The following PCCB variants were observed in gnomAD, a reference collection of about 807,000 sequenced individuals.
PCCB encodes the protein propionyl-CoA carboxylase subunit beta, also known as propionyl-CoA carboxylase beta chain, mitochondrial.
Under a neutral mutation model 60.7 loss-of-function variants are expected in PCCB, and 43 were observed. The observed-to-expected ratio is 0.71, with a 90% CI of 0.55 to 0.91. The LOEUF is 0.91. PCCB is among the 40% of genes least tolerant of loss of function. PCCB has a pLI of 0.00. For synonymous variants in PCCB, 276 were observed against 255.9 expected, an observed-to-expected ratio of 1.08 and a Z score of -0.75; for missense variants, 766 against 702.8, an observed-to-expected ratio of 1.09 and a Z score of -1.02.
At chr3:136,260,778 A>G (rs1941800330) in intron 4 of PCCB, among the ~76,000 whole-genome samples, 1 of 152,232 alleles carries the variant, frequency 6.6e-6, no homozygotes, top group African/African-American at 2.4e-5. Context: ...ATTTTAAAGG[A>G]TTAAAAATGT....
chr3:136,258,802 G>C (rs1941745904), intron 3 of PCCB, among the ~76,000 whole-genome samples: 1 of 151,946 alleles, frequency 6.6e-6, no homozygotes, highest in Non-Finnish European at 1.5e-5. Context: ...GGGTCTGACT[G>C]CTTCTAACAG....
intron 10 of PCCB, among the ~76,000 whole-genome samples, chr3:136,320,111 A>G (rs1485032384): frequency 6.6e-6 from 1 of 152,154 alleles, no homozygotes; most frequent in Non-Finnish European, 1.5e-5. Context: ...AGCTTTGTAT[A>G]TGTTTTGAAA....
At chr3:136,298,160 T>G in intron 8 of PCCB, 88 bp downstream of exon 8, 1 of 1,558,724 alleles carries the variant, frequency 6.4e-7, no homozygotes, top group Non-Finnish European at 8.8e-7. Context: ...TCTGCCTTGT[T>G]GGGCAAGTTG....
rs373700681 is a variant in PCCB, at chr3:136,257,907, T to C, written c.372+1284T>C. On this transcript the variant is annotated intron_variant, in intron 3 of 14. Transcript: ENST00000251654. ...GAGTTTGCGCCACTGCACTCGAGCC[T>C]GGGTGGCAGAGTGAGACTCCATCTC... Among the ~76,000 whole-genome samples, 94 of 152,322 alleles carry C rather than the reference T, an allele frequency of 6.2e-4. 1 individual carries two copies. In the South Asian group the frequency reaches 0.013, roughly 20 times the overall value.
chr3:136,311,551 G>A (rs958011401), intron 9 of PCCB, among the ~76,000 whole-genome samples: 1 of 152,002 alleles, frequency 6.6e-6, no homozygotes, highest in African/African-American at 2.4e-5. Flanking sequence ...TGTTGCCCAG[G>A]CTGGTCTCGA....
chr3:136,292,530 C>T (rs990815238), intron 6 of PCCB, among the ~76,000 whole-genome samples: 3 of 152,146 alleles, frequency 2.0e-5, no homozygotes, highest in East Asian at 1.9e-4. Flanking sequence ...TTGGAAACAA[C>T]CTTCATGACC....
chr3:136,263,389 C>T (rs184967247), intron 5 of PCCB, among the ~76,000 whole-genome samples: 1 of 151,968 alleles, frequency 6.6e-6, no homozygotes, highest in Non-Finnish European at 1.5e-5. Flanking sequence ...CCTCAGTCTC[C>T]TGAATAGCTG....
chr3:136,278,598 A>G (rs1192344144), intron 5 of PCCB, among the ~76,000 whole-genome samples: 2 of 152,012 alleles, frequency 1.3e-5, no homozygotes, highest in Non-Finnish European at 2.9e-5. Context: ...CGTGTTTGTG[A>G]ATTTTTCAGT....
intron 6 of PCCB, among the ~76,000 whole-genome samples, chr3:136,288,096 G>A (rs140744471): frequency 6.6e-6 from 1 of 152,226 alleles, no homozygotes; most frequent in East Asian, 1.9e-4. Context: ...AATTTGCATT[G>A]ACTCAATTTG....
At chr3:136,288,512 A>G (rs1487804269) in intron 6 of PCCB, among the ~76,000 whole-genome samples, 4 of 145,930 alleles carry the variant, frequency 2.7e-5, no homozygotes, top group African/African-American at 5.0e-5. Context: ...TGCCTGCCTA[A>G]TTTTTTTTTT....
intron 1 of PCCB, among the ~76,000 whole-genome samples, chr3:136,254,369 C>T (rs1322184155): frequency 6.6e-6 from 1 of 151,652 alleles, no homozygotes; most frequent in East Asian, 1.9e-4. Context: ...CAGGTGGGTG[C>T]TACCAAGCCC....
At chr3:136,301,265 T>C (rs546178405) in intron 9 of PCCB, among the ~76,000 whole-genome samples, 154 bp downstream of exon 9, 2 of 152,036 alleles carry the variant, frequency 1.3e-5, no homozygotes, top group African/African-American at 4.8e-5. Flanking sequence ...GGCCACTGAG[T>C]AGTGTGTTCT....
At chr3:136,315,364 T>C (rs1934846358) in intron 9 of PCCB, among the ~76,000 whole-genome samples, 1 of 151,666 alleles carries the variant, frequency 6.6e-6, no homozygotes. Context: ...TGAAACCATC[T>C]CTAAAAATAC....
chr3:136,284,839 G>A (rs901873584), intron 6 of PCCB, among the ~76,000 whole-genome samples: 4 of 152,142 alleles, frequency 2.6e-5, no homozygotes, highest in African/African-American at 9.7e-5. Flanking sequence ...TGTAATCCCA[G>A]CACTTGGGAG....
At chr3:136,255,399 C>G in intron 1 of PCCB, 1 of 233,980 alleles carries the variant, frequency 4.3e-6, no homozygotes. Flanking sequence ...GAGCTGGGAG[C>G]AGTAGGGACC....
At chr3:136,259,229 G>A in intron 3 of PCCB, 2 of 1,149,574 alleles carry the variant, frequency 1.7e-6, no homozygotes, top group Non-Finnish European at 2.3e-6. Context: ...CACTTTGGGA[G>A]GCCGAGGTGG....
At chr3:136,261,141 T>G (rs2108145423) in intron 4 of PCCB, among the ~76,000 whole-genome samples, 1 of 152,354 alleles carries the variant, frequency 6.6e-6, no homozygotes, top group East Asian at 1.9e-4. Context: ...ACCTCTTGTC[T>G]AGGTGGAAGG....
At chr3:136,273,597 CTTT>C in intron 5 of PCCB, among the ~76,000 whole-genome samples, 2 of 45,220 alleles carry the variant, frequency 4.4e-5, no homozygotes, top group East Asian at 5.9e-4. Flanking sequence ...TTTCTTTTTT[CTTT>C]TTTTTTTTTT....
intron 9 of PCCB, among the ~76,000 whole-genome samples, chr3:136,301,649 A>G (rs1369983051): frequency 2.0e-5 from 3 of 152,140 alleles, no homozygotes; most frequent in South Asian, 2.1e-4. Flanking sequence ...TAGATGGCCA[A>G]TGCCTTCCTT....
Sources: gnomAD v4.1 joint callset for allele counts (sites outside exome capture counted in the v4.1 genomes callset) on GRCh38, gnomAD v4.1.1 for gene constraint, MANE v1.5 for transcripts, NCBI Gene and HGNC (gene_info 2026-07-23, HGNC 2026-07-21) for gene names.